Variants in SLC16A7 observed in about 807,000 individuals in gnomAD.
The protein encoded by SLC16A7 is monocarboxylate transporter 2.
A neutral mutation model predicts 34.9 loss-of-function variants in SLC16A7; 33 were observed. The observed-to-expected ratio is 0.94, with a 90% CI of 0.72 to 1.26. The LOEUF is 1.26. Among genes scored for constraint, SLC16A7 ranks in the 50% most tolerant of loss-of-function variants. SLC16A7 has a pLI of 0.00. For synonymous variants in SLC16A7, 201 were observed against 206.6 expected, an observed-to-expected ratio of 0.97 and a Z score of 0.23; for missense variants, 573 against 578.1, an observed-to-expected ratio of 0.99 and a Z score of 0.09.
intron 3 of SLC16A7, among the ~76,000 whole-genome samples, chr12:59,736,484 A>G (rs946989845): frequency 6.6e-6 from 1 of 152,140 alleles, no homozygotes; most frequent in Non-Finnish European, 1.5e-5. Flanking sequence ...GCTAATTTTC[A>G]CTTTGGTCAG....
chr12:59,670,690 G>A (rs557281366), intron 2 of SLC16A7, among the ~76,000 whole-genome samples: 1 of 152,144 alleles, frequency 6.6e-6, no homozygotes, highest in African/African-American at 2.4e-5. Context: ...AAATTGGAAG[G>A]AAAAACAAAT....
chr12:59,604,000 A>T (rs968011695), intron 1 of SLC16A7, among the ~76,000 whole-genome samples: 1 of 152,176 alleles, frequency 6.6e-6, no homozygotes, highest in South Asian at 2.1e-4. Flanking sequence ...TACTCTACCA[A>T]TGTGGTGACA....
At chr12:59,752,124 G>C (rs1438397321) in intron 3 of SLC16A7, among the ~76,000 whole-genome samples, 1 of 151,784 alleles carries the variant, frequency 6.6e-6, no homozygotes, top group South Asian at 2.1e-4. Flanking sequence ...CATCATCAAA[G>C]ACCAAAAGTA....
intron 3 of SLC16A7, among the ~76,000 whole-genome samples, chr12:59,740,943 T>A (rs1180433754): frequency 2.6e-5 from 4 of 152,266 alleles, no homozygotes; most frequent in East Asian, 1.9e-4. Flanking sequence ...CCAAATCATG[T>A]GTGAACTCCC....
intron 2 of SLC16A7, among the ~76,000 whole-genome samples, chr12:59,657,118 A>G (rs576649627): frequency 6.6e-6 from 1 of 152,084 alleles, no homozygotes; most frequent in Non-Finnish European, 1.5e-5. Flanking sequence ...TTATTCCTCA[A>G]ATACTGTATT....
chr12:59,641,041 T>C (rs1377664482), intron 1 of SLC16A7, among the ~76,000 whole-genome samples: 1 of 152,078 alleles, frequency 6.6e-6, no homozygotes, highest in Non-Finnish European at 1.5e-5. Flanking sequence ...ACATATTGTT[T>C]GAAAAATCTT....
rs977813394 is a variant in SLC16A7 at position 59,668,359 on chromosome 12, A to G, written c.-31+13109A>G. The stretch of plus-strand genomic sequence containing the variant: ...TAAAGCCACAGGGATAGAGCTGCCC[A>G]AGGCCACGGGAACCCCCCTCTTGCA... On this transcript the variant is annotated intron_variant, in intron 2 of 5. Coordinates refer to ENST00000547379, the MANE Select transcript of SLC16A7 (RefSeq NM_001270623.2). Among the ~76,000 whole-genome samples the G allele has an allele frequency of 5.9e-5, 9 of 152,296 alleles. No homozygotes were observed. In the South Asian group the frequency reaches 8.3e-4, roughly 14 times the overall value.
chr12:59,750,102 C>G (rs1241370310), intron 3 of SLC16A7, among the ~76,000 whole-genome samples: 1 of 152,060 alleles, frequency 6.6e-6, no homozygotes, highest in Non-Finnish European at 1.5e-5. Flanking sequence ...GACTTTAAAC[C>G]ATAAAAACCC....
intron 2 of SLC16A7, among the ~76,000 whole-genome samples, chr12:59,660,825 C>G (rs1342267973): frequency 1.3e-5 from 2 of 152,054 alleles, no homozygotes; most frequent in African/African-American, 4.8e-5. Flanking sequence ...GGATCTCATA[C>G]CCTGTGAGAT....
At chr12:59,623,202 T>A (rs1417310784) in intron 1 of SLC16A7, among the ~76,000 whole-genome samples, 1 of 151,694 alleles carries the variant, frequency 6.6e-6, no homozygotes, top group Non-Finnish European at 1.5e-5. Flanking sequence ...AGCTTTTTAA[T>A]AAGCTTTCAT....
chr12:59,683,935 G>A (rs1215268735), intron 2 of SLC16A7, among the ~76,000 whole-genome samples: 1 of 152,150 alleles, frequency 6.6e-6, no homozygotes. Context: ...ATTAAAAATT[G>A]TAATTAGATG....
At chr12:59,643,236 A>T (rs1880762362) in intron 1 of SLC16A7, among the ~76,000 whole-genome samples, 1 of 152,148 alleles carries the variant, frequency 6.6e-6, no homozygotes, top group African/African-American at 2.4e-5. Context: ...ATTGTCTTGG[A>T]TCATAGAACT....
rs142764602 is a variant in SLC16A7, at chr12:59,643,350, C to T, written c.-129-11802C>T. ...AGTCTCTAATATACATATAAGTTTT[C>T]GGCACAAGTTGAAAGTGGTAAGCAT... On this transcript the variant is annotated intron_variant, in intron 1 of 5. Coordinates refer to ENST00000547379, the MANE Select transcript of SLC16A7 (RefSeq NM_001270623.2). Among the ~76,000 whole-genome samples the T allele has an allele frequency of 3.3e-4, 50 of 152,148 alleles. No homozygotes were observed. The East Asian group carries it at 6.4e-3, about 19-fold the overall frequency.
chr12:59,672,242 ATATATATGTGTATATATGCATATATACG>A, intron 2 of SLC16A7, among the ~76,000 whole-genome samples: 1 of 113,562 alleles, frequency 8.8e-6, no homozygotes, highest in East Asian at 2.8e-4. Context: ...ATATATACGT[ATATATATGTGTATATATGCATATATACG>A]TATATATATG....
At chr12:59,745,642 C>A (rs1158700439) in intron 3 of SLC16A7, among the ~76,000 whole-genome samples, 1 of 152,050 alleles carries the variant, frequency 6.6e-6, no homozygotes, top group African/African-American at 2.4e-5. Context: ...AGAACTGTGG[C>A]AATTATGATA....
At chr12:59,723,846 G>A (rs1795899) in intron 3 of SLC16A7, among the ~76,000 whole-genome samples, 6,833 of 151,802 alleles carry the variant, frequency 0.045, 487 homozygotes, top group African/African-American at 0.16. Context: ...TGTTGTTCCC[G>A]TTTATATTGC....
intron 3 of SLC16A7, among the ~76,000 whole-genome samples, chr12:59,750,472 C>T (rs1295614507): frequency 6.6e-6 from 1 of 152,192 alleles, no homozygotes; most frequent in African/African-American, 2.4e-5. Flanking sequence ...CTCATTATCA[C>T]TGGTCATTAG....
intron 3 of SLC16A7, among the ~76,000 whole-genome samples, chr12:59,735,155 G>A (rs1243060771): frequency 3.3e-5 from 5 of 152,182 alleles, no homozygotes; most frequent in East Asian, 3.9e-4. Context: ...TTCCTAAAAA[G>A]CCGCTTTGAT....
intron 3 of SLC16A7, among the ~76,000 whole-genome samples, chr12:59,745,710 G>A (rs1383965871): frequency 6.6e-6 from 1 of 152,084 alleles, no homozygotes; most frequent in African/African-American, 2.4e-5. Flanking sequence ...TGTACATAGA[G>A]GTTATATTTA....
Sources: allele counts gnomAD v4.1 joint callset (sites outside exome capture counted in the v4.1 genomes callset), GRCh38; gene constraint gnomAD v4.1.1; transcripts MANE v1.5; gene names NCBI Gene and HGNC (gene_info 2026-07-23, HGNC 2026-07-21).